Variants in TMEM132B observed in about 807,000 individuals in gnomAD.
The protein encoded by TMEM132B is transmembrane protein 132B.
Under a neutral mutation model 90.8 loss-of-function variants are expected in TMEM132B, and 18 were observed. The ratio of observed to expected loss-of-function variants is 0.20; its 90% CI spans 0.14 to 0.29. The LOEUF (loss-of-function observed/expected upper bound fraction) is 0.29, where lower values mean the gene tolerates loss of function less well. Among genes scored for constraint, TMEM132B ranks in the 10% least tolerant of loss-of-function variants. The pLI, the probability that TMEM132B is intolerant of heterozygous loss-of-function variation, is 1.00. For synonymous variants in TMEM132B, 504 were observed against 523.3 expected, an observed-to-expected ratio of 0.96 and a Z score of 0.50; for missense variants, 1,096 against 1,326.8, an observed-to-expected ratio of 0.83 and a Z score of 2.70.
chr12:125,604,757 G>A (rs2136928191), intron 5 of TMEM132B, among the ~76,000 whole-genome samples: 1 of 152,314 alleles, frequency 6.6e-6, no homozygotes. Context: ...CCAAAGGAAG[G>A]AACACTTTCT....
intron 5 of TMEM132B, among the ~76,000 whole-genome samples, chr12:125,591,828 AG>A (rs1885324756): frequency 6.6e-6 from 1 of 152,254 alleles, no homozygotes; most frequent in South Asian, 2.1e-4. Context: ...TTTTCTTATA[AG>A]GGTACCTGTC....
chr12:125,401,622 G>A (rs978868691), intron 2 of TMEM132B, among the ~76,000 whole-genome samples: 9 of 152,144 alleles, frequency 5.9e-5, no homozygotes, highest in African/African-American at 9.7e-5. Context: ...TAGGAACCAC[G>A]AGGAGCCAGT....
chr12:125,271,650 C>T (rs578166425), intron 1 of TMEM132B, among the ~76,000 whole-genome samples: 1 of 152,132 alleles, frequency 6.6e-6, no homozygotes, highest in Non-Finnish European at 1.5e-5. Context: ...TGCAAACCTA[C>T]TATGTGCACA....
At position 125,615,369 on chromosome 12, in the gene TMEM132B, C is replaced by T. The variant is rs116938357; in HGVS notation, c.1438-28707C>T. Among the ~76,000 whole-genome samples the T allele has an allele frequency of 7.9e-3, 1,196 of 152,004 alleles. 6 individuals are homozygous for T. The highest frequency in any genetic ancestry group is 0.011 in the Non-Finnish European group (765 of 67,986). On this transcript the variant is annotated intron_variant, in intron 5 of 8. Transcript: ENST00000682704. ...TATCTATCTAGATGCTTAATGATGA[C>T]CACATTTCTCTTAAGCTCTGTTCAC... is the stretch of plus-strand genomic sequence containing the variant.
chr12:125,568,392 A>G (rs911307986), intron 4 of TMEM132B, among the ~76,000 whole-genome samples: 3 of 152,110 alleles, frequency 2.0e-5, no homozygotes, highest in African/African-American at 7.2e-5. Context: ...TCTTCTTCTC[A>G]CTGGGAGGAG....
intron 5 of TMEM132B, among the ~76,000 whole-genome samples, chr12:125,639,543 G>A (rs947318050): frequency 1.1e-4 from 17 of 152,258 alleles, no homozygotes; most frequent in Admixed American, 6.5e-5. Context: ...TTCTGAAGCA[G>A]ATTACCATCA....
intron 5 of TMEM132B, among the ~76,000 whole-genome samples, chr12:125,642,019 G>C (rs1886643527): frequency 1.3e-5 from 2 of 152,140 alleles, no homozygotes; most frequent in African/African-American, 4.8e-5. Context: ...GAGCAGGGTT[G>C]GGGGGACTTC....
chr12:125,528,967 C>T (rs1883569760), intron 4 of TMEM132B, among the ~76,000 whole-genome samples: 1 of 142,126 alleles, frequency 7.0e-6, no homozygotes, highest in Non-Finnish European at 1.5e-5. Context: ...CTTCCCCCCT[C>T]TTTCTTTCTT....
At chr12:125,438,606 T>C (rs1880769841) in intron 3 of TMEM132B, among the ~76,000 whole-genome samples, 1 of 152,224 alleles carries the variant, frequency 6.6e-6, no homozygotes, top group Non-Finnish European at 1.5e-5. Flanking sequence ...TTTCCCAAAA[T>C]ACGCTGCAGA....
At chr12:125,520,271 G>A (rs866750742) in intron 4 of TMEM132B, among the ~76,000 whole-genome samples, 2 of 152,144 alleles carry the variant, frequency 1.3e-5, no homozygotes, top group Non-Finnish European at 2.9e-5. Flanking sequence ...GAGATTCCAC[G>A]GAGACAGTAA....
chr12:125,473,876 A>G (rs1055837538), intron 3 of TMEM132B, among the ~76,000 whole-genome samples: 14 of 152,152 alleles, frequency 9.2e-5, no homozygotes, highest in African/African-American at 3.4e-4. Flanking sequence ...TAGCAAAGCC[A>G]GGGGATTCAG....
chr12:125,307,774 TACTTATA>T (rs1593077979), intron 1 of TMEM132B, among the ~76,000 whole-genome samples: 7 of 124,684 alleles, frequency 5.6e-5, no homozygotes, highest in East Asian at 4.7e-4. Context: ...CAAGTATATA[TACTTATA>T]ATACAAGTAT....
rs536209737 is a variant in TMEM132B at position 125,340,162 on chromosome 12, A to G, written c.68-9290A>G. Among the ~76,000 whole-genome samples, 206 of 152,294 alleles carry G rather than the reference A, an allele frequency of 1.4e-3. 1 individual carries two copies. The highest frequency in any genetic ancestry group is 5.7e-4 in the Non-Finnish European group (39 of 68,020). On this transcript the variant is annotated intron_variant, in intron 1 of 8. Transcript: ENST00000682704. ...ATTTGGGAAAGCAATTTCTAAGATC[A>G]AGGCTGAGGCACATACCAGAAATGA...
At chr12:125,333,175 C>A (rs1876845409) in intron 1 of TMEM132B, among the ~76,000 whole-genome samples, 1 of 152,190 alleles carries the variant, frequency 6.6e-6, no homozygotes, top group Non-Finnish European at 1.5e-5. Flanking sequence ...CCCCCCAACT[C>A]TTCCCGTCTT....
chr12:125,557,807 G>A (rs1003796304), intron 4 of TMEM132B, among the ~76,000 whole-genome samples: 5 of 152,252 alleles, frequency 3.3e-5, no homozygotes, highest in Admixed American at 3.3e-4. Context: ...TGTCCGAGTG[G>A]CTAATTTAGG....
intron 2 of TMEM132B, among the ~76,000 whole-genome samples, chr12:125,400,408 C>T (rs1879286467): frequency 6.6e-6 from 1 of 152,210 alleles, no homozygotes; most frequent in African/African-American, 2.4e-5. Context: ...ATTTCCAGTA[C>T]TTCTCTCTGG....
intron 2 of TMEM132B, among the ~76,000 whole-genome samples, chr12:125,358,891 CA>C (rs980411236): frequency 6.6e-6 from 1 of 152,200 alleles, no homozygotes; most frequent in Admixed American, 6.5e-5. Flanking sequence ...ATTCTTGTCT[CA>C]AATGCAGTAA....
intron 4 of TMEM132B, among the ~76,000 whole-genome samples, chr12:125,525,455 C>T (rs1032937489): frequency 1.5e-4 from 23 of 152,174 alleles, no homozygotes; most frequent in African/African-American, 2.7e-4. Flanking sequence ...CTGTCCCTTC[C>T]GCCATGCGAG....
At position 125,489,114 on chromosome 12, in the gene TMEM132B, G is replaced by A. The variant is rs535445868; in HGVS notation, c.1107-30325G>A. 3.3e-5 allele frequency among the ~76,000 whole-genome samples: 5 copies of A among 152,298 alleles called. No individual in the cohort carries two copies. In the South Asian group the frequency reaches 1.0e-3, roughly 32 times the overall value. ...TGCAATTAGCAGTACATTTGCATAT[G>A]CAATGATCTCTTTAATTTTCTCTGG... On this transcript the variant is annotated intron_variant, in intron 3 of 8. Coordinates refer to ENST00000682704, the MANE Select transcript of TMEM132B (RefSeq NM_001366854.1).
Sources: gnomAD v4.1 joint callset for allele counts (sites outside exome capture counted in the v4.1 genomes callset) on GRCh38, gnomAD v4.1.1 for gene constraint, MANE v1.5 for transcripts, NCBI Gene and HGNC (gene_info 2026-07-23, HGNC 2026-07-21) for gene names.